HMBOX1: variants seen among roughly 807,000 people sequenced by gnomAD.
HMBOX1 encodes the protein homeobox-containing protein 1.
In HMBOX1, 14 loss-of-function variants were observed where a neutral mutation model predicts 54.5. That is an observed-to-expected ratio of 0.26 (90% CI 0.17 to 0.40). HMBOX1 has a LOEUF of 0.40. HMBOX1 is among the 10% of genes least tolerant of loss of function. The pLI, the probability that HMBOX1 is intolerant of heterozygous loss-of-function variation, is 1.00. For synonymous variants in HMBOX1, 160 were observed against 181.0 expected (o/e 0.88, Z 0.93); for missense variants, 332 against 514.4 (o/e 0.65, Z 3.43).
At chr8:28,928,962 C>G (rs1324619716) in intron 1 of HMBOX1, among the ~76,000 whole-genome samples, 1 of 152,086 alleles carries the variant, frequency 6.6e-6, no homozygotes, top group Non-Finnish European at 1.5e-5. Flanking sequence ...AGGGTGCAAA[C>G]TGTTGGTTAT....
chr8:28,893,859 G>A (rs1426268476), intron 1 of HMBOX1, among the ~76,000 whole-genome samples: 2 of 152,072 alleles, frequency 1.3e-5, no homozygotes, highest in Non-Finnish European at 2.9e-5. Context: ...CACATTTAGG[G>A]CTCCCGTGCA....
At chr8:28,960,326 A>T (rs1414817266) in intron 1 of HMBOX1, among the ~76,000 whole-genome samples, 1 of 146,754 alleles carries the variant, frequency 6.8e-6, no homozygotes, top group Non-Finnish European at 1.5e-5. Context: ...TTCTTCTTTG[A>T]TCCAAGGGTT....
At chr8:28,940,548 T>C (rs1228277184) in intron 1 of HMBOX1, among the ~76,000 whole-genome samples, 2 of 152,248 alleles carry the variant, frequency 1.3e-5, no homozygotes, top group East Asian at 3.8e-4. Context: ...GTTCTTTTTC[T>C]CTGTTATATT....
intron 5 of HMBOX1, chr8:29,009,917 A>C: frequency 9.0e-7 from 1 of 1,111,604 alleles, no homozygotes; most frequent in Non-Finnish European, 1.1e-6. Flanking sequence ...GTGTAAATTT[A>C]AGATTGGGTT....
chr8:28,975,035 G>T (rs1828141295), intron 3 of HMBOX1, among the ~76,000 whole-genome samples: 1 of 152,052 alleles, frequency 6.6e-6, no homozygotes, highest in Admixed American at 6.6e-5. Context: ...TTCTGATTTG[G>T]TAAGCTTAAA....
chr8:28,928,475 TACAA>T (rs1249326610), intron 1 of HMBOX1, among the ~76,000 whole-genome samples: 1 of 152,088 alleles, frequency 6.6e-6, no homozygotes, highest in Non-Finnish European at 1.5e-5. Context: ...CTCAAAAAAT[TACAA>T]ACAGAATGAC....
rs577074856 is a variant in HMBOX1 at position 28,946,614 on chromosome 8, A to G, written c.-57-17197A>G. ...CAATTGTGTTTGATATGTATTTTCA[A>G]ATCTTTATTTTTATGTGTCTTAGCT... is the stretch of plus-strand genomic sequence containing the variant. On this transcript the variant is annotated intron_variant, in intron 1 of 9. Coordinates refer to ENST00000287701, the MANE Select transcript of HMBOX1 (RefSeq NM_001135726.3). 1.9e-4 allele frequency among the ~76,000 whole-genome samples: 29 copies of G among 152,298 alleles called. No homozygotes were observed. The South Asian group carries it at 2.5e-3, about 13-fold the overall frequency.
intron 6 of HMBOX1, among the ~76,000 whole-genome samples, chr8:29,032,153 T>A (rs1474739190): frequency 6.6e-6 from 1 of 152,166 alleles, no homozygotes; most frequent in Admixed American, 6.5e-5. Context: ...TGAAGTAAGT[T>A]CTTTTAATAA....
At chr8:29,024,331 C>T (rs1261939150) in intron 6 of HMBOX1, among the ~76,000 whole-genome samples, 1 of 152,166 alleles carries the variant, frequency 6.6e-6, no homozygotes, top group Non-Finnish European at 1.5e-5. Flanking sequence ...ATGTTAGGAG[C>T]ATTCTTACTT....
chr8:28,950,986 C>A (rs974893901), intron 1 of HMBOX1, among the ~76,000 whole-genome samples: 7 of 152,148 alleles, frequency 4.6e-5, no homozygotes, highest in Non-Finnish European at 1.0e-4. Flanking sequence ...TTTCTGATTA[C>A]CTGTATTTAT....
chr8:29,010,426 G>A (rs954462524), intron 5 of HMBOX1, among the ~76,000 whole-genome samples: 1 of 152,000 alleles, frequency 6.6e-6, no homozygotes, highest in Non-Finnish European at 1.5e-5. Flanking sequence ...GTGTGGTGGG[G>A]CATGCCTGTA....
Position 28,970,156 on chromosome 8 carries a change from C to G in HMBOX1, c.137C>G (p.Ala46Gly), listed in dbSNP as rs946420176. Residue 46 changes from alanine (A) to glycine (G), a missense_variant, in exon 3 of 10, where the codon GCC (alanine) becomes GGC (glycine). Ala to Gly is a moderately conservative substitution (Grantham distance 60). Around this residue, in one of 4 missense-constraint regions of HMBOX1, gnomAD observed 146 missense variants for 173.3 expected, o/e 0.84. Coordinates refer to ENST00000287701, the MANE Select transcript of HMBOX1 (RefSeq NM_001135726.3). The surrounding 1 kb of genome is among the most constrained non-coding windows in gnomAD (Gnocchi z 4.3). The part of the protein sequence containing the change: ...TGMTKHEILH[A>G]LETLDRLDQE... ...ATGACTAAACATGAAATTCTCCATG[C>G]CTTGGAAACTTTGGACCGTCTTGAT... 2 of 1,614,048 alleles carry G rather than the reference C, an allele frequency of 1.2e-6. No homozygotes were observed. Among genetic ancestry groups the G allele is most frequent in the Non-Finnish European group, 1.7e-6 (2 of 1,179,962 alleles).
At chr8:29,031,463 A>G (rs1400976515) in intron 6 of HMBOX1, among the ~76,000 whole-genome samples, 1 of 152,198 alleles carries the variant, frequency 6.6e-6, no homozygotes, top group Non-Finnish European at 1.5e-5. Context: ...TAAATATCCA[A>G]AGATAAATAT....
intron 5 of HMBOX1, among the ~76,000 whole-genome samples, chr8:29,016,606 CAG>C (rs1835049112): frequency 6.6e-6 from 1 of 152,190 alleles, no homozygotes; most frequent in South Asian, 2.1e-4. Context: ...GTTTCTGGCT[CAG>C]AGTTCTGTAG....
chr8:28,964,173 T>C (rs1159054944), intron 2 of HMBOX1, among the ~76,000 whole-genome samples: 1 of 152,166 alleles, frequency 6.6e-6, no homozygotes, highest in African/African-American at 2.4e-5. Context: ...TTAATTATTA[T>C]TTTTAACTGC....
At chr8:28,912,211 G>T (rs1223181932) in intron 1 of HMBOX1, among the ~76,000 whole-genome samples, 2 of 152,120 alleles carry the variant, frequency 1.3e-5, no homozygotes, top group African/African-American at 4.8e-5. Flanking sequence ...CTTACTATGG[G>T]TTTATCAGGA....
At chr8:29,031,713 T>C (rs1337778269) in intron 6 of HMBOX1, among the ~76,000 whole-genome samples, 2 of 152,184 alleles carry the variant, frequency 1.3e-5, no homozygotes, top group Non-Finnish European at 2.9e-5. Context: ...TTTAGGAACA[T>C]ACCTTTTCTA....
chr8:28,950,409 A>G lies in HMBOX1; in HGVS notation c.-57-13402A>G, dbSNP rs1823206121. 2.0e-5 allele frequency among the ~76,000 whole-genome samples: 3 copies of G among 152,214 alleles called. 1 individual carries two copies. In the South Asian group the frequency reaches 6.2e-4, roughly 32 times the overall value. ...GTTCTACCTGCTGTAATACATTTGTACTGTAATTCAGTAAGAATGGAATAG... is the reference window on the plus strand; with the variant it reads ...GTTCTACCTGCTGTAATACATTTGTGCTGTAATTCAGTAAGAATGGAATAG... On this transcript the variant is annotated intron_variant, in intron 1 of 9. Coordinates refer to ENST00000287701, the MANE Select transcript of HMBOX1 (RefSeq NM_001135726.3).
rs146651657 is a variant in HMBOX1 at position 29,000,212 on chromosome 8, C to G, written c.587-8860C>G. Among the ~76,000 whole-genome samples, 514 of 152,296 alleles carry G rather than the reference C, an allele frequency of 3.4e-3. 7 individuals carry two copies. Among genetic ancestry groups the G allele is most frequent in the African/African-American group, 0.012 (481 of 41,560 alleles). On this transcript the variant is annotated intron_variant, in intron 4 of 9. Transcript: ENST00000287701. ...AAACAATAAGTCTCCCAGCTTTTGT[C>G]AAGGGGCTCTCTCTGTGTATTGGGC...
Sources: allele counts gnomAD v4.1 joint callset (sites outside exome capture counted in the v4.1 genomes callset), GRCh38; gene constraint gnomAD v4.1.1; regional missense constraint gnomAD v4.1.1; non-coding constraint Gnocchi (gnomAD v3.1); transcripts MANE v1.5; gene names NCBI Gene and HGNC (gene_info 2026-07-23, HGNC 2026-07-21).